Variants in CCDC77 observed in about 807,000 individuals in gnomAD.
CCDC77 encodes coiled-coil domain containing 77.
A neutral mutation model predicts 66.8 loss-of-function variants in CCDC77; 56 were observed. The observed-to-expected ratio is 0.84, with a 90% CI of 0.68 to 1.05. CCDC77 has a LOEUF of 1.05. CCDC77 is among the 50% of genes least tolerant of loss of function. The probability of loss-of-function intolerance (pLI) is 0.00; values close to 1 mark genes in which losing one functional copy is unlikely to be tolerated. For synonymous variants in CCDC77, 196 were observed against 195.2 expected, an observed-to-expected ratio of 1.00 and a Z score of -0.03; for missense variants, 570 against 576.8, an observed-to-expected ratio of 0.99 and a Z score of 0.12.
intron 5 of CCDC77, among the ~76,000 whole-genome samples, chr12:423,329 A>C (rs1175641588): frequency 6.9e-6 from 1 of 145,838 alleles, no homozygotes; most frequent in Non-Finnish European, 1.5e-5. Flanking sequence ...TTGTGGAGAC[A>C]AGGTTTCACC....
At chr12:426,293 T>A (rs1476237271) in intron 5 of CCDC77, among the ~76,000 whole-genome samples, 2 of 152,194 alleles carry the variant, frequency 1.3e-5, no homozygotes, top group African/African-American at 2.4e-5. Context: ...TAGGAAAGAA[T>A]CCATTTGCCT....
chr12:402,619 G>A (rs755510561), intron 1 of CCDC77, among the ~76,000 whole-genome samples: 58 of 152,216 alleles, frequency 3.8e-4, no homozygotes, highest in Non-Finnish European at 4.9e-4. Context: ...TATGTAGAAA[G>A]CCATGAATTC....
chr12:434,244 C>T (rs1469754974), intron 9 of CCDC77, among the ~76,000 whole-genome samples: 2 of 152,064 alleles, frequency 1.3e-5, no homozygotes, highest in East Asian at 1.9e-4. Flanking sequence ...TTGTTCCTAA[C>T]CTGCTTACCT....
In CCDC77 at chr12:418,143, AC is replaced by A. The variant is rs1471352204; in HGVS notation, c.271-347del. 2.0e-5 allele frequency among the ~76,000 whole-genome samples: 3 copies of A among 152,084 alleles called. No individual in the cohort carries two copies. The East Asian group carries it at 5.8e-4, about 29-fold the overall frequency. ...AGACTAGCCTGCCCAACATGGCGAAACCCCATCTCTACTAAAAATACAAAAA... is the reference window on the plus strand; with the variant it reads ...AGACTAGCCTGCCCAACATGGCGAAACCCATCTCTACTAAAAATACAAAAA... On this transcript the variant is annotated intron_variant, in intron 4 of 12. Transcript: ENST00000239830.
At chr12:425,056 A>G (rs904247975) in intron 5 of CCDC77, among the ~76,000 whole-genome samples, 3 of 151,334 alleles carry the variant, frequency 2.0e-5, no homozygotes, top group Non-Finnish European at 4.4e-5. Context: ...TCATCCTTCC[A>G]AGTAGCTGGG....
At chr12:439,589 G>A (rs1945824008) in intron 10 of CCDC77, among the ~76,000 whole-genome samples, 1 of 151,308 alleles carries the variant, frequency 6.6e-6, no homozygotes, top group African/African-American at 2.4e-5. Flanking sequence ...GAGCAGCCTT[G>A]CCAGCACAGC....
rs545698157 is a variant in CCDC77, at chr12:410,640, C to T, written c.39-1107C>T. ...TCTCGGCACTTGAACCTGCCTCCTGCGTTCAAGCAATTATTCTGCCTCAGC... is the reference window on the plus strand; with the variant it reads ...TCTCGGCACTTGAACCTGCCTCCTGTGTTCAAGCAATTATTCTGCCTCAGC... On this transcript the variant is annotated intron_variant, in intron 3 of 12. Coordinates refer to ENST00000239830, the MANE Select transcript of CCDC77 (RefSeq NM_032358.4). 1.1e-4 allele frequency among the ~76,000 whole-genome samples: 16 copies of T among 142,186 alleles called. 1 individual carries two copies. In the South Asian group the frequency reaches 2.7e-3, roughly 24 times the overall value. 93.3% of individuals were successfully genotyped at this position (142,186 alleles called of 152,430 possible).
In CCDC77 at chr12:395,763, G is replaced by A. The variant is rs554229623; in HGVS notation, c.-113+6277G>A. Among the ~76,000 whole-genome samples the A allele has an allele frequency of 1.3e-3, 199 of 152,192 alleles. 1 individual carries two copies. The highest frequency in any genetic ancestry group is 4.6e-3 in the African/African-American group (192 of 41,528). On this transcript the variant is annotated intron_variant, in intron 1 of 11. Transcript: ENST00000422000. ...ACAAAAATTGGCTGGGCGTCGTGGT[G>A]CATGCCTGTAGTCCCAGCCACTTGG...
rs1173295159 is a variant in CCDC77 at position 423,492 on chromosome 12, TTG to T, written c.413+4858_413+4859del. Reference sequence around the variant, plus strand: ...TGTGTTTTTTGTGTTTTTTTTTGTTTTGTTTTTTTTTTTTTTTTTTTGAGACA... The same window carrying T: ...TGTGTTTTTTGTGTTTTTTTTTGTTTTTTTTTTTTTTTTTTTTTTGAGACA... On this transcript the variant is annotated intron_variant, in intron 5 of 12. Coordinates refer to ENST00000239830, the MANE Select transcript of CCDC77 (RefSeq NM_032358.4). 8.1e-3 allele frequency among the ~76,000 whole-genome samples: 280 copies of T among 34,672 alleles called. 53 individuals carry two copies. Among genetic ancestry groups the T allele is most frequent in the East Asian group, 0.049 (67 of 1,374 alleles). The allele number at this position is 34,672 out of a possible 152,430, so 22.7% of individuals were successfully genotyped here.
At chr12:390,294 G>C (rs1944732819) in intron 1 of CCDC77, among the ~76,000 whole-genome samples, 1 of 152,118 alleles carries the variant, frequency 6.6e-6, no homozygotes, top group African/African-American at 2.4e-5. Context: ...ACGTTGGATT[G>C]CTTTGTCTAA....
intron 9 of CCDC77, 158 bp downstream of exon 9, chr12:433,480 C>A: frequency 7.1e-7 from 1 of 1,409,986 alleles, no homozygotes; most frequent in South Asian, 1.7e-5. Context: ...TAGGTGAGTA[C>A]CTCGCTTTTC....
At chr12:427,486 T>C (rs1381922984) in intron 5 of CCDC77, among the ~76,000 whole-genome samples, 4 of 149,844 alleles carry the variant, frequency 2.7e-5, no homozygotes, top group African/African-American at 7.3e-5. Context: ...TTTTTTTTTT[T>C]TTTTTTGAGA....
At chr12:433,465 C>T in intron 9 of CCDC77, 143 bp downstream of exon 9, 7 of 1,443,260 alleles carry the variant, frequency 4.9e-6, no homozygotes, top group African/African-American at 1.4e-5. Flanking sequence ...ACCCCCGCCT[C>T]TACGTAGGTG....
chr12:411,780 C>T lies in CCDC77; in HGVS notation c.72C>T (p.Val24=). ...RTVVSKRGVA[V]SGPTKRRGMA... ...TTGTCTCCAAACGTGGTGTTGCCGTCAGTGGTCCCACCAAGAGGAGGGGAA... is the reference window on the plus strand; with the variant it reads ...TTGTCTCCAAACGTGGTGTTGCCGTTAGTGGTCCCACCAAGAGGAGGGGAA... The change falls in exon 4 of 13, where the codon GTC becomes GTT. Residue 24 remains valine, a synonymous_variant. Transcript: ENST00000239830. The T allele has an allele frequency of 1.2e-6, 2 of 1,614,006 alleles. No individual in the cohort carries two copies. Among genetic ancestry groups the T allele is most frequent in the South Asian group, 1.1e-5 (1 of 91,070 alleles).
At chr12:409,282 T>C (rs1031478651) in intron 2 of CCDC77, 86 bp from the exon 3 acceptor site, 1 of 859,906 alleles carries the variant, frequency 1.2e-6, no homozygotes, top group Non-Finnish European at 1.9e-6. Context: ...AATATGATGA[T>C]GTTGAAGAGG....
intron 1 of CCDC77, among the ~76,000 whole-genome samples, chr12:404,152 AC>A (rs1222697497): frequency 6.6e-6 from 1 of 152,110 alleles, no homozygotes; most frequent in African/African-American, 2.4e-5. Flanking sequence ...CCCTGTCTTT[AC>A]TAAAAATACA....
intron 5 of CCDC77, among the ~76,000 whole-genome samples, chr12:426,722 C>A (rs959199789): frequency 8.5e-5 from 13 of 152,054 alleles, no homozygotes; most frequent in Non-Finnish European, 1.0e-4. Context: ...CCATGGTCCC[C>A]ACGTGCCCCA....
intron 2 of CCDC77, among the ~76,000 whole-genome samples, chr12:406,216 G>GT (rs142747812): frequency 0.039 from 5,955 of 152,260 alleles, 361 homozygotes; most frequent in African/African-American, 0.13. Flanking sequence ...AGCCAAGGTT[G>GT]TAAGTGTTAA....
At chr12:417,551 A>G (rs1270926724) in intron 4 of CCDC77, among the ~76,000 whole-genome samples, 1 of 152,174 alleles carries the variant, frequency 6.6e-6, no homozygotes, top group African/African-American at 2.4e-5. Context: ...TGTAGACAGG[A>G]ATCGTATCTT....
Sources: allele counts gnomAD v4.1 joint callset (sites outside exome capture counted in the v4.1 genomes callset), GRCh38; gene constraint gnomAD v4.1.1; transcripts MANE v1.5; gene names NCBI Gene and HGNC (gene_info 2026-07-23, HGNC 2026-07-21).